RUBCNL: variants seen among roughly 807,000 people sequenced by gnomAD.
RUBCNL encodes the protein rubicon like autophagy enhancer.
RUBCNL carries 62 observed loss-of-function variants against 69.5 expected under a neutral mutation model. The ratio of observed to expected loss-of-function variants is 0.89; its 90% CI spans 0.73 to 1.10. The LOEUF is 1.10. Among genes scored for constraint, RUBCNL ranks in the 50% least tolerant of loss-of-function variants. The probability of loss-of-function intolerance (pLI) is 0.00; values close to 1 mark genes in which losing one functional copy is unlikely to be tolerated. For synonymous variants in RUBCNL, 291 were observed against 303.6 expected (o/e 0.96, Z 0.43); for missense variants, 768 against 798.1 (o/e 0.96, Z 0.45).
In RUBCNL at chr13:46,336,034, C is replaced by A. The variant is rs1344805657; in HGVS notation, c.*7351G>T. On this transcript the variant is annotated 3_prime_UTR_variant, in exon 15 of 15. Coordinates refer to ENST00000429979, the MANE Select transcript of RUBCNL (RefSeq NM_025113.5). ...GACAGAGAAAGAAGAGGAAAACCTACAAAGGAGACCAAGAAAAGAGACCAC... is the reference window on the plus strand; with the variant it reads ...GACAGAGAAAGAAGAGGAAAACCTAAAAAGGAGACCAAGAAAAGAGACCAC... Among the ~76,000 whole-genome samples, 1 of 152,176 alleles carries A rather than the reference C, an allele frequency of 6.6e-6. No individual in the cohort carries two copies. The highest frequency in any genetic ancestry group is 1.9e-4 in the East Asian group (1 of 5,200).
At chr13:46,356,352 A>T in intron 10 of RUBCNL, 80 bp downstream of exon 10, 1 of 1,382,048 alleles carries the variant, frequency 7.2e-7, no homozygotes, top group South Asian at 1.3e-5. Flanking sequence ...CATCTCTCAC[A>T]CAAGCAATGC....
At chr13:46,371,834 T>C in intron 3 of RUBCNL, 107 bp downstream of exon 3, 2 of 1,140,500 alleles carry the variant, frequency 1.8e-6, no homozygotes, top group Non-Finnish European at 2.5e-6. Flanking sequence ...CAATATTAGA[T>C]GAGGCAATGC....
Position 46,372,581 on chromosome 13 carries a change from G to C in RUBCNL, c.-106C>G. 2 of 1,471,556 alleles carry C rather than the reference G, an allele frequency of 1.4e-6. No individual in the cohort carries two copies. Among genetic ancestry groups the C allele is most frequent in the South Asian group, 2.8e-5 (2 of 72,626 alleles). The allele number at this position is 1,471,556 out of a possible 1,614,324, so 91.2% of individuals were successfully genotyped here. ...CTGAACTCACCACATGGCCAGCTGGGGGTCTGGAGAGCTATTCTGCAATGA... is the reference window on the plus strand; with the variant it reads ...CTGAACTCACCACATGGCCAGCTGGCGGTCTGGAGAGCTATTCTGCAATGA... On this transcript the variant is annotated 5_prime_UTR_variant, in exon 3 of 15. Coordinates refer to ENST00000429979, the MANE Select transcript of RUBCNL (RefSeq NM_025113.5).
At chr13:46,388,366 A>AAAGG (rs893547588), upstream of RUBCNL, among the ~76,000 whole-genome samples, 1 of 144,038 alleles carries the variant, frequency 6.9e-6, no homozygotes, top group Non-Finnish European at 1.6e-5. Context: ...GAAAGCAAAG[A>AAAGG]AAGGAAGGAA....
Position 46,372,239 on chromosome 13 carries a change from A to C in RUBCNL, c.237T>G (p.His79Gln). The change falls in exon 3 of 15, where the codon CAT becomes CAG. Residue 79 changes from histidine to glutamine, a missense_variant. Coordinates refer to ENST00000429979, the MANE Select transcript of RUBCNL (RefSeq NM_025113.5). Reference sequence around the variant, plus strand: ...AGGGAGAGGCAGCATCTGTCACAAAATGGGTCCCACTGTTCCCTGCTGCTG... The same window carrying C: ...AGGGAGAGGCAGCATCTGTCACAAACTGGGTCCCACTGTTCCCTGCTGCTG... ...QVPAAGNSGT[H>Q]FVTDAASPSG... 1 of 1,614,010 alleles carries C rather than the reference A, an allele frequency of 6.2e-7. No homozygotes were observed. Among genetic ancestry groups the C allele is most frequent in the Non-Finnish European group, 8.5e-7 (1 of 1,179,884 alleles).
chr13:46,376,169 T>C (rs555234401), intron 2 of RUBCNL, among the ~76,000 whole-genome samples: 1 of 152,270 alleles, frequency 6.6e-6, no homozygotes, highest in East Asian at 1.9e-4. Context: ...ATAAGTAGTG[T>C]TAAGTTTTGG....
At chr13:46,349,393 G>A in intron 11 of RUBCNL, 46 bp from the exon 12 acceptor site, 1 of 1,529,508 alleles carries the variant, frequency 6.5e-7, no homozygotes, top group Non-Finnish European at 9.1e-7. Context: ...TGTAATAAAT[G>A]ACACGGGAAA....
chr13:46,368,426 G>C, intron 4 of RUBCNL, 177 bp from the exon 5 acceptor site: 1 of 983,270 alleles, frequency 1.0e-6, no homozygotes, highest in Non-Finnish European at 1.2e-6. Flanking sequence ...ATTGTCCAGA[G>C]ACATAGATTC....
At chr13:46,345,706 A>C (rs2048232696) in intron 12 of RUBCNL, 106 bp from the exon 13 acceptor site, 5 of 1,087,444 alleles carry the variant, frequency 4.6e-6, no homozygotes, top group Middle Eastern at 5.5e-4. Flanking sequence ...ATTTTTTTTT[A>C]ACTCAATTTA....
upstream of RUBCNL, among the ~76,000 whole-genome samples, chr13:46,388,716 G>A (rs556441385): frequency 6.6e-6 from 1 of 152,310 alleles, no homozygotes; most frequent in South Asian, 2.1e-4. Context: ...ACCAAATCCC[G>A]TTGCACTTTC....
rs1251108901 is a variant in RUBCNL at position 46,341,261 on chromosome 13, A to G, written c.*2124T>C. On this transcript the variant is annotated 3_prime_UTR_variant, in exon 15 of 15. Coordinates refer to ENST00000429979, the MANE Select transcript of RUBCNL (RefSeq NM_025113.5). ...TGGGTAATGGTCTGACCAAGCATTC[A>G]TCTTCTTTCCGGCAGCCAAGGAAGA... is the stretch of plus-strand genomic sequence containing the variant. Among the ~76,000 whole-genome samples, 2 of 152,252 alleles carry G rather than the reference A, an allele frequency of 1.3e-5. No individual in the cohort carries two copies. The highest frequency in any genetic ancestry group is 1.9e-4 in the East Asian group (1 of 5,204).
chr13:46,368,983 A>T (rs1459846288), intron 3 of RUBCNL, among the ~76,000 whole-genome samples, 168 bp from the exon 4 acceptor site: 1 of 152,252 alleles, frequency 6.6e-6, no homozygotes, highest in East Asian at 1.9e-4. Context: ...GGCAGGTCTT[A>T]CAGATATTGC....
At position 46,372,000 on chromosome 13, in the gene RUBCNL, T is replaced by C. The variant is rs764713697; in HGVS notation, c.476A>G (p.Tyr159Cys). 22 of 1,613,794 alleles carry C rather than the reference T, an allele frequency of 1.4e-5. No homozygotes were observed. The highest frequency in any genetic ancestry group is 1.4e-5 in the Non-Finnish European group (16 of 1,179,872). The change falls in exon 3 of 15, where the codon TAT (tyrosine) becomes TGT (cysteine). Residue 159 changes from tyrosine to cysteine, a missense_variant. By Grantham distance (194) the Tyr-to-Cys change is radical. Coordinates refer to ENST00000429979, the MANE Select transcript of RUBCNL (RefSeq NM_025113.5). ...TSPGILATSP[Y>C]PETDSAFFEP... is the part of the protein sequence containing the mutation. ...AAAAAAAGCACTGTCAGTCTCAGGA[T>C]ATGGGGAGGTGGCCAAAATCCCAGG...
chr13:46,350,161 G>C lies in RUBCNL; in HGVS notation c.1521C>G (p.Ser507Arg). Reference protein sequence around the residue: ...IWHQPIFNLLSIGQSLYAKAK... With the variant: ...IWHQPIFNLLRIGQSLYAKAK... ...CTTTCGCATACAGGCTTTGGCCGAT[G>C]CTCAGCAAATTGAAAATGGGCTGGT... Residue 507 changes from serine to arginine, a missense_variant, in exon 11 of 15, where the codon AGC becomes AGG. Transcript: ENST00000429979. 1 of 1,584,754 alleles carries C rather than the reference G, an allele frequency of 6.3e-7. No homozygotes were observed. Among genetic ancestry groups the C allele is most frequent in the Non-Finnish European group, 8.6e-7 (1 of 1,164,818 alleles).
intron 6 of RUBCNL, among the ~76,000 whole-genome samples, 192 bp downstream of exon 6, chr13:46,362,923 C>CATATATATATATATATATATATAT: frequency 1.1e-5 from 1 of 88,058 alleles, no homozygotes; most frequent in East Asian, 3.5e-4. Context: ...ACAAGAACAT[C>CATATATATATATATATATATATAT]ATATATATAT....
chr13:46,368,309 T>C (rs1321119855), intron 4 of RUBCNL, 60 bp from the exon 5 acceptor site: 7 of 1,520,632 alleles, frequency 4.6e-6, no homozygotes, highest in Non-Finnish European at 5.3e-6. Flanking sequence ...GGAGGGTATA[T>C]TAGATTTGAA....
upstream of RUBCNL, among the ~76,000 whole-genome samples, chr13:46,388,199 CA>C (rs71074779): frequency 7.3e-5 from 5 of 68,200 alleles, no homozygotes; most frequent in African/African-American, 3.3e-4. Context: ...GCAAGACTGT[CA>C]AAAAAAAAAA....
chr13:46,366,708 G>C (rs2048764647), intron 5 of RUBCNL, among the ~76,000 whole-genome samples: 1 of 152,208 alleles, frequency 6.6e-6, no homozygotes, highest in Non-Finnish European at 1.5e-5. Flanking sequence ...AGAAAAGCAA[G>C]CTTCAGTGGT....
chr13:46,377,125 A>G (rs1240155431), intron 2 of RUBCNL, among the ~76,000 whole-genome samples: 2 of 152,194 alleles, frequency 1.3e-5, no homozygotes, highest in Admixed American at 6.5e-5. Context: ...AAAACTATAT[A>G]AGTAAGTTAT....
Sources: allele counts gnomAD v4.1 joint callset (sites outside exome capture counted in the v4.1 genomes callset), GRCh38; gene constraint gnomAD v4.1.1; transcripts MANE v1.5; gene names NCBI Gene and HGNC (gene_info 2026-07-23, HGNC 2026-07-21).